The following TSPAN8 variants were observed in gnomAD, a reference collection of about 807,000 sequenced individuals.
TSPAN8 encodes tetraspanin 8.
Under a neutral mutation model 32.8 loss-of-function variants are expected in TSPAN8, and 21 were observed. That is an observed-to-expected ratio of 0.64 (90% CI 0.45 to 0.92). The LOEUF is 0.92. TSPAN8 is among the 40% of genes least tolerant of loss of function. TSPAN8 has a pLI of 0.00. For missense variants in TSPAN8, 269 were observed against 281.9 expected, an observed-to-expected ratio of 0.95 and a Z score of 0.33; for synonymous variants, 95 against 94.6, an observed-to-expected ratio of 1.00 and a Z score of -0.03.
chr12:71,129,328 T>C lies in TSPAN8; in HGVS notation c.660+3A>G. 1 of 1,574,302 alleles carries C rather than the reference T, an allele frequency of 6.4e-7. No individual in the cohort carries two copies. ...GAGTCAATAATACAAGATTATACTGTACCTCAATAACTGCCAGTCCAAATG... is the reference window on the plus strand; with the variant it reads ...GAGTCAATAATACAAGATTATACTGCACCTCAATAACTGCCAGTCCAAATG... On this transcript the variant is annotated splice_donor_region_variant and intron_variant, in intron 8 of 8. Coordinates refer to ENST00000247829, the MANE Select transcript of TSPAN8 (RefSeq NM_004616.3).
chr12:71,141,796 G>A, intron 3 of TSPAN8, among the ~76,000 whole-genome samples: 1 of 152,170 alleles, frequency 6.6e-6, no homozygotes, highest in African/African-American at 2.4e-5. Flanking sequence ...AAGCTGTCTT[G>A]AATGAACACT....
intron 3 of TSPAN8, among the ~76,000 whole-genome samples, chr12:71,140,987 C>T (rs573912059): frequency 6.6e-6 from 1 of 152,268 alleles, no homozygotes; most frequent in Admixed American, 6.5e-5. Context: ...TTTCTCAAGG[C>T]TTTTTAAATC....
At chr12:71,133,276 C>T (rs113490803) in intron 6 of TSPAN8, among the ~76,000 whole-genome samples, 1,779 of 151,898 alleles carry the variant, frequency 0.012, 28 homozygotes, top group African/African-American at 0.041. Flanking sequence ...TAGCAGAGAC[C>T]GCGTTTTACC....
chr12:71,157,426 T>A, intron 2 of TSPAN8, 193 bp downstream of exon 2: 1 of 506,018 alleles, frequency 2.0e-6, no homozygotes, highest in Admixed American at 3.3e-5. Flanking sequence ...TGAAGTGCAC[T>A]TTTTTGAGTC....
intron 2 of TSPAN8, among the ~76,000 whole-genome samples, chr12:71,152,695 T>C (rs1872297019): frequency 6.6e-6 from 1 of 152,176 alleles, no homozygotes; most frequent in Non-Finnish European, 1.5e-5. Flanking sequence ...GCTAATTACA[T>C]AGGGTCAGGC....
Position 71,129,243 on chromosome 12 carries a change from T to C in TSPAN8, c.660+88A>G, listed in dbSNP as rs903460173. The C allele has an allele frequency of 6.5e-5, 87 of 1,334,606 alleles. 1 individual carries two copies. The highest frequency in any genetic ancestry group is 2.0e-4 in the Middle Eastern group (1 of 5,080). 82.7% of individuals were successfully genotyped at this position (1,334,606 alleles called of 1,614,324 possible). On this transcript the variant is annotated intron_variant, in intron 8 of 8. Coordinates refer to ENST00000247829, the MANE Select transcript of TSPAN8 (RefSeq NM_004616.3). ...TTATGGTTGTTGTGGTTTTTTTTTT[T>C]CTGTTTGTTTGTTCACCATCAATAT...
intron 2 of TSPAN8, among the ~76,000 whole-genome samples, chr12:71,154,007 C>A (rs1391122193): frequency 6.6e-6 from 1 of 151,924 alleles, no homozygotes; most frequent in Non-Finnish European, 1.5e-5. Flanking sequence ...ATAATGTAAC[C>A]ATAAAATAAT....
rs556779224 is a variant in TSPAN8 at position 71,137,747 on chromosome 12, C to G, written c.444+206G>C. Among the ~76,000 whole-genome samples the G allele has an allele frequency of 2.0e-5, 3 of 152,278 alleles. No homozygotes were observed. In the East Asian group the frequency reaches 5.8e-4, roughly 29 times the overall value. ...TCATAAATGTATCTTCTTAATTTCTCTCCTTCAAAACTGCTTCAGAACTTT... is the reference window on the plus strand; with the variant it reads ...TCATAAATGTATCTTCTTAATTTCTGTCCTTCAAAACTGCTTCAGAACTTT... On this transcript the variant is annotated intron_variant, in intron 6 of 8. Transcript: ENST00000247829.
At chr12:71,156,250 C>CAAAAAAAAAAAAAAAAAAAAAAAAAAAA (rs763217771) in intron 2 of TSPAN8, among the ~76,000 whole-genome samples, 22 of 24,358 alleles carry the variant, frequency 9.0e-4, no homozygotes, top group African/African-American at 1.6e-3. Flanking sequence ...CAAAGTTCTC[C>CAAAAAAAAAAAAAAAAAAAAAAAAAAAA]AAAAAAAAAA....
intron 2 of TSPAN8, among the ~76,000 whole-genome samples, chr12:71,151,285 G>C (rs899654053): frequency 6.6e-6 from 1 of 151,976 alleles, no homozygotes; most frequent in Admixed American, 6.6e-5. Context: ...GGATGGTCTC[G>C]ATCTCCTGAC....
At chr12:71,154,180 C>T (rs940042830) in intron 2 of TSPAN8, among the ~76,000 whole-genome samples, 4 of 151,954 alleles carry the variant, frequency 2.6e-5, no homozygotes, top group South Asian at 4.2e-4. Flanking sequence ...CATGGTGGTG[C>T]GTGCCTGTAA....
chr12:71,125,493 C>G (rs896555090), intron 8 of TSPAN8, 106 bp from the exon 9 acceptor site: 5 of 906,594 alleles, frequency 5.5e-6, no homozygotes, highest in Non-Finnish European at 1.7e-6. Flanking sequence ...TGTATATTGA[C>G]AGTTCCAATC....
At chr12:71,139,930 C>T (rs1871845814) in intron 3 of TSPAN8, 82 bp from the exon 4 acceptor site, 5 of 1,309,418 alleles carry the variant, frequency 3.8e-6, no homozygotes, top group African/African-American at 4.8e-5. Context: ...CCATTGAGTG[C>T]CTCCTATGTG....
At chr12:71,125,471 A>G in intron 8 of TSPAN8, 84 bp from the exon 9 acceptor site, 1 of 1,191,698 alleles carries the variant, frequency 8.4e-7, no homozygotes, top group Non-Finnish European at 1.2e-6. Flanking sequence ...AACATTATAT[A>G]TGAAAAGATT....
chr12:71,142,717 C>A (rs1229467877), intron 3 of TSPAN8, among the ~76,000 whole-genome samples: 1 of 152,062 alleles, frequency 6.6e-6, no homozygotes, highest in Non-Finnish European at 1.5e-5. Flanking sequence ...ATCTCCCACC[C>A]AATTTCTTCA....
intron 4 of TSPAN8, among the ~76,000 whole-genome samples, chr12:71,139,472 TG>T (rs1477871255): frequency 6.6e-6 from 1 of 152,264 alleles, no homozygotes; most frequent in African/African-American, 2.4e-5. Context: ...TAATGTTGAA[TG>T]AGTGAATGAA....
chr12:71,129,347 C>A lies in TSPAN8; in HGVS notation c.644G>T (p.Gly215Val), dbSNP rs371007886. The A allele has an allele frequency of 8.2e-6, 13 of 1,585,488 alleles. No homozygotes were observed. The highest frequency in any genetic ancestry group is 1.8e-5 in the Admixed American group (1 of 55,854). Residue 215 changes from glycine to valine, a missense_variant, in exon 8 of 9, where the codon GGA becomes GTA. Coordinates refer to ENST00000247829, the MANE Select transcript of TSPAN8 (RefSeq NM_004616.3). ...NLIIVIGISF[G>V]LAVIEILGLV... ...ATACTGTACCTCAATAACTGCCAGT[C>A]CAAATGATATTCCAATAACTATAAT...
intron 6 of TSPAN8, among the ~76,000 whole-genome samples, chr12:71,133,060 A>C (rs1277091998): frequency 6.6e-6 from 1 of 152,134 alleles, no homozygotes; most frequent in East Asian, 1.9e-4. Context: ...GAAGTTGGGA[A>C]GATGAAAAAC....
chr12:71,149,194 G>T (rs1339971737), intron 2 of TSPAN8, among the ~76,000 whole-genome samples: 1 of 151,980 alleles, frequency 6.6e-6, no homozygotes, highest in Non-Finnish European at 1.5e-5. Context: ...GTGAAACCTT[G>T]TCTCTACTAA....
Sources: allele counts gnomAD v4.1 joint callset (sites outside exome capture counted in the v4.1 genomes callset), GRCh38; gene constraint gnomAD v4.1.1; transcripts MANE v1.5; gene names NCBI Gene and HGNC (gene_info 2026-07-23, HGNC 2026-07-21).